TMEM108: variants seen among roughly 807,000 people sequenced by gnomAD.
The protein encoded by TMEM108 is transmembrane protein 108.
TMEM108 carries 12 observed loss-of-function variants against 35.1 expected under a neutral mutation model. The observed-to-expected ratio is 0.34, with a 90% CI of 0.22 to 0.55. The LOEUF is 0.55. TMEM108 is among the 20% of genes least tolerant of loss of function. The pLI, the probability that TMEM108 is intolerant of heterozygous loss-of-function variation, is 0.89. For missense variants in TMEM108, 680 were observed against 753.3 expected (o/e 0.90, Z 1.14); for synonymous variants, 287 against 308.6 (o/e 0.93, Z 0.73).
chr3:133,108,959 A>G (rs1417168570), intron 2 of TMEM108, among the ~76,000 whole-genome samples: 1 of 152,156 alleles, frequency 6.6e-6, no homozygotes, highest in Non-Finnish European at 1.5e-5. Flanking sequence ...CACATTGTGC[A>G]CATGTACCCT....
chr3:133,181,266 G>C (rs1945340395), intron 2 of TMEM108, among the ~76,000 whole-genome samples: 1 of 152,046 alleles, frequency 6.6e-6, no homozygotes, highest in South Asian at 2.1e-4. Context: ...CAGAAAAGAA[G>C]AGCCTGAGTG....
intron 2 of TMEM108, among the ~76,000 whole-genome samples, chr3:133,152,538 C>T (rs969434760): frequency 2.6e-5 from 4 of 152,102 alleles, no homozygotes; most frequent in African/African-American, 9.7e-5. Flanking sequence ...TTGGGTTATG[C>T]CTTTGTCACA....
At chr3:133,205,132 CT>C (rs56148731) in intron 2 of TMEM108, among the ~76,000 whole-genome samples, 2,265 of 146,166 alleles carry the variant, frequency 0.015, 78 homozygotes, top group African/African-American at 0.052. Context: ...ACCCCTGCTG[CT>C]TTTTTTTTTT....
chr3:133,384,989 C>T (rs1317020086), intron 4 of TMEM108, among the ~76,000 whole-genome samples: 1 of 152,088 alleles, frequency 6.6e-6, no homozygotes, highest in African/African-American at 2.4e-5. Context: ...GCACCTGGTC[C>T]CCAGAGCAGT....
intron 2 of TMEM108, among the ~76,000 whole-genome samples, chr3:133,210,651 G>A (rs2031874330): frequency 6.6e-6 from 1 of 152,120 alleles, no homozygotes; most frequent in African/African-American, 2.4e-5. Flanking sequence ...ATTATTTTAT[G>A]CATGCTTCCT....
At chr3:133,164,751 G>A (rs963241121) in intron 2 of TMEM108, among the ~76,000 whole-genome samples, 1 of 152,054 alleles carries the variant, frequency 6.6e-6, no homozygotes, top group African/African-American at 2.4e-5. Flanking sequence ...ATGTTAAGGG[G>A]TTCTTGTGCA....
At chr3:133,287,379 A>G (rs1947000637) in intron 3 of TMEM108, among the ~76,000 whole-genome samples, 1 of 152,234 alleles carries the variant, frequency 6.6e-6, no homozygotes, top group African/African-American at 2.4e-5. Context: ...TGGATTAGTC[A>G]AGTATCTAAT....
intron 2 of TMEM108, among the ~76,000 whole-genome samples, chr3:133,080,378 A>G (rs1387565169): frequency 1.3e-5 from 2 of 152,202 alleles, no homozygotes; most frequent in South Asian, 2.1e-4. Context: ...TACATAAAGT[A>G]TGATGCAGAA....
At chr3:133,104,589 G>C (rs1445765321) in intron 2 of TMEM108, among the ~76,000 whole-genome samples, 1 of 152,120 alleles carries the variant, frequency 6.6e-6, no homozygotes, top group Admixed American at 6.6e-5. Flanking sequence ...TTCAGATGTA[G>C]GGCTCCTATT....
At chr3:133,218,436 T>C (rs946343196) in intron 2 of TMEM108, among the ~76,000 whole-genome samples, 1 of 152,032 alleles carries the variant, frequency 6.6e-6, no homozygotes, top group South Asian at 2.1e-4. Context: ...TCTAGTACTA[T>C]ATTGAATAGA....
intron 2 of TMEM108, among the ~76,000 whole-genome samples, chr3:133,054,947 C>G (rs1310632993): frequency 6.6e-6 from 1 of 152,196 alleles, no homozygotes; most frequent in Non-Finnish European, 1.5e-5. Context: ...AGAAGAGATT[C>G]AGCAGGGCTT....
Position 133,369,422 on chromosome 3 carries a change from G to A in TMEM108, c.41-10330G>A, listed in dbSNP as rs116227431. Among the ~76,000 whole-genome samples the A allele has an allele frequency of 2.9e-3, 447 of 152,296 alleles. 3 individuals are homozygous for A. The highest frequency in any genetic ancestry group is 0.01 in the African/African-American group (422 of 41,554). On this transcript the variant is annotated intron_variant, in intron 3 of 5. Transcript: ENST00000321871. The stretch of plus-strand genomic sequence containing the variant: ...TTAAGCAACAGGGTAATCTAGCCCC[G>A]TGGTACTGACAAATAAGCTTTGATT...
At chr3:133,318,911 C>T (rs376918033) in intron 3 of TMEM108, among the ~76,000 whole-genome samples, 11 of 28,300 alleles carry the variant, frequency 3.9e-4, no homozygotes, top group African/African-American at 9.4e-4. Context: ...GCAAATTCTG[C>T]GAGATAGGCA....
intron 2 of TMEM108, among the ~76,000 whole-genome samples, chr3:133,167,655 C>T (rs888002925): frequency 4.6e-5 from 7 of 152,192 alleles, no homozygotes; most frequent in South Asian, 4.1e-4. Context: ...CCTCACTGCC[C>T]GGGGCCAGTG....
At chr3:133,227,189 C>CTTTTTTTTTTT (rs35518753) in intron 2 of TMEM108, among the ~76,000 whole-genome samples, 1 of 83,494 alleles carries the variant, frequency 1.2e-5, no homozygotes, top group Non-Finnish European at 2.2e-5. Flanking sequence ...GAAGGCCTTT[C>CTTTTTTTTTTT]TTTTTTTTTT....
At chr3:133,245,445 C>G (rs540862427) in intron 3 of TMEM108, among the ~76,000 whole-genome samples, 2 of 152,334 alleles carry the variant, frequency 1.3e-5, no homozygotes, top group South Asian at 4.1e-4. Flanking sequence ...GATTACAGCC[C>G]CAGGACCTCC....
At chr3:133,186,234 G>T (rs10460836) in intron 2 of TMEM108, among the ~76,000 whole-genome samples, 28,216 of 152,110 alleles carry the variant, frequency 0.19, 3,457 homozygotes, top group East Asian at 0.38. Flanking sequence ...GTTAAAGGTG[G>T]CTTCACAGTA....
At chr3:133,338,740 CACA>C (rs2071574813) in intron 3 of TMEM108, among the ~76,000 whole-genome samples, 2 of 151,838 alleles carry the variant, frequency 1.3e-5, no homozygotes, top group South Asian at 2.1e-4. Flanking sequence ...AAATAATAAC[CACA>C]ACAACTTTTG....
chr3:133,173,867 A>C (rs763524631), intron 2 of TMEM108, among the ~76,000 whole-genome samples: 10 of 152,208 alleles, frequency 6.6e-5, no homozygotes, highest in Non-Finnish European at 1.3e-4. Flanking sequence ...GTGTGAGCCG[A>C]AGCAGGGTGA....
Sources: gnomAD v4.1 joint callset for allele counts (sites outside exome capture counted in the v4.1 genomes callset) on GRCh38, gnomAD v4.1.1 for gene constraint, MANE v1.5 for transcripts, NCBI Gene and HGNC (gene_info 2026-07-23, HGNC 2026-07-21) for gene names.